KLF12: variants seen among roughly 807,000 people sequenced by gnomAD.
The protein encoded by KLF12 is Krueppel-like factor 12.
A neutral mutation model predicts 37.8 loss-of-function variants in KLF12; 9 were observed. That is an observed-to-expected ratio of 0.24 (90% confidence interval 0.14 to 0.42). The LOEUF (loss-of-function observed/expected upper bound fraction) is 0.42, where lower values mean the gene tolerates loss of function less well. Among genes scored for constraint, KLF12 ranks in the 10% least tolerant of loss-of-function variants. KLF12 has a pLI of 1.00. For synonymous variants in KLF12, 208 were observed against 202.1 expected, an observed-to-expected ratio of 1.03 and a Z score of -0.25; for missense variants, 411 against 516.0, an observed-to-expected ratio of 0.80 and a Z score of 1.97.
chr13:73,810,462 ATTTG>A (rs914954129), intron 5 of KLF12, among the ~76,000 whole-genome samples: 3 of 151,824 alleles, frequency 2.0e-5, no homozygotes, highest in African/African-American at 4.8e-5. Flanking sequence ...TATTTTATTT[ATTTG>A]TTTATTTAGG....
chr13:74,301,537 G>C, the KLF12 span, among the ~76,000 whole-genome samples: 2 of 152,170 alleles, frequency 1.3e-5, no homozygotes, highest in Non-Finnish European at 2.9e-5. Context: ...TTAGAGGCAA[G>C]TGATGAAAGG....
chr13:73,877,599 C>T (rs1345594222), intron 3 of KLF12, among the ~76,000 whole-genome samples: 1 of 152,184 alleles, frequency 6.6e-6, no homozygotes, highest in Non-Finnish European at 1.5e-5. Context: ...TTGATATTGA[C>T]AGGTTGGCTG....
the KLF12 span, among the ~76,000 whole-genome samples, chr13:74,152,251 TAA>T: frequency 2.0e-5 from 3 of 152,270 alleles, no homozygotes; most frequent in Admixed American, 6.5e-5. Flanking sequence ...AATATTATAC[TAA>T]GTTTCTCATT....
At chr13:74,286,460 C>T in the KLF12 span, among the ~76,000 whole-genome samples, 1 of 152,086 alleles carries the variant, frequency 6.6e-6, no homozygotes, top group Non-Finnish European at 1.5e-5. Flanking sequence ...AAAGCGTATT[C>T]AGGATAGACA....
chr13:74,045,305 T>A (rs1203050373), intron 1 of KLF12, among the ~76,000 whole-genome samples: 1 of 152,182 alleles, frequency 6.6e-6, no homozygotes, highest in Non-Finnish European at 1.5e-5. Flanking sequence ...GCACTTTACC[T>A]ATGTGGTCCT....
chr13:74,273,319 T>C, the KLF12 span, among the ~76,000 whole-genome samples: 1 of 152,290 alleles, frequency 6.6e-6, no homozygotes, highest in South Asian at 2.1e-4. Context: ...CTAATTTCCA[T>C]ATAAGCAATT....
intron 6 of KLF12, among the ~76,000 whole-genome samples, chr13:73,735,569 G>A (rs1016246217): frequency 3.3e-5 from 5 of 152,040 alleles, no homozygotes; most frequent in African/African-American, 4.8e-5. Context: ...CTCCAGCTGT[G>A]GGAACCACCT....
chr13:74,222,247 G>A, the KLF12 span, among the ~76,000 whole-genome samples: 12 of 152,222 alleles, frequency 7.9e-5, no homozygotes, highest in Non-Finnish European at 1.3e-4. Context: ...CTTCAACCAA[G>A]TTCTGGATGG....
chr13:74,039,909 T>A (rs1044389325), intron 1 of KLF12, among the ~76,000 whole-genome samples: 18 of 152,360 alleles, frequency 1.2e-4, no homozygotes, highest in African/African-American at 4.3e-4. Flanking sequence ...AAATTCAGTA[T>A]AAAATAGTGA....
chr13:74,003,410 C>T (rs17061909), intron 1 of KLF12, among the ~76,000 whole-genome samples: 11,433 of 152,164 alleles, frequency 0.075, 658 homozygotes, highest in African/African-American at 0.16. Flanking sequence ...TTAGTCAGCC[C>T]ATCCAACTGA....
At chr13:73,927,510 A>G (rs183786699) in intron 3 of KLF12, among the ~76,000 whole-genome samples, 7 of 152,302 alleles carry the variant, frequency 4.6e-5, no homozygotes, top group Admixed American at 3.3e-4. Flanking sequence ...AACAAGAGTC[A>G]GCTCTGTTTC....
chr13:74,184,385 AC>A, the KLF12 span, among the ~76,000 whole-genome samples: 11 of 152,184 alleles, frequency 7.2e-5, no homozygotes, highest in Non-Finnish European at 1.5e-4. Context: ...AATGTGTGTC[AC>A]CAACTCAATA....
intron 2 of KLF12, among the ~76,000 whole-genome samples, chr13:73,978,409 T>C (rs1476205707): frequency 6.6e-6 from 1 of 152,136 alleles, no homozygotes; most frequent in African/African-American, 2.4e-5. Flanking sequence ...GCAACAACGA[T>C]ACAACACCAC....
intron 2 of KLF12, among the ~76,000 whole-genome samples, chr13:73,983,492 C>T (rs532975953): frequency 6.6e-6 from 1 of 152,276 alleles, no homozygotes; most frequent in African/African-American, 2.4e-5. Context: ...TTACTGCCTG[C>T]CAATCTTGCC....
the KLF12 span, among the ~76,000 whole-genome samples, chr13:74,303,610 G>T: frequency 2.0e-5 from 3 of 152,116 alleles, no homozygotes; most frequent in Non-Finnish European, 1.5e-5. Context: ...AAAAGAGATT[G>T]TCCTTAAAAC....
At chr13:73,952,474 T>C (rs1351727572) in intron 2 of KLF12, among the ~76,000 whole-genome samples, 1 of 152,196 alleles carries the variant, frequency 6.6e-6, no homozygotes, top group African/African-American at 2.4e-5. Flanking sequence ...CATTAGAAAC[T>C]GCCCCCATGA....
intron 2 of KLF12, among the ~76,000 whole-genome samples, chr13:73,946,368 G>A (rs977545238): frequency 1.3e-5 from 2 of 152,122 alleles, no homozygotes; most frequent in African/African-American, 4.8e-5. Context: ...TTTCCCCACT[G>A]GCTGTGATAA....
At chr13:74,207,273 T>C in the KLF12 span, among the ~76,000 whole-genome samples, 1 of 152,166 alleles carries the variant, frequency 6.6e-6, no homozygotes, top group African/African-American at 2.4e-5. Flanking sequence ...AGTGGTAAGT[T>C]TTCAATACAT....
chr13:73,973,785 GCACT>G (rs1368590737), intron 2 of KLF12, among the ~76,000 whole-genome samples: 1 of 152,062 alleles, frequency 6.6e-6, no homozygotes, highest in Admixed American at 6.6e-5. Flanking sequence ...GGAGGAAAAA[GCACT>G]CACTCCTAAC....
Sources: gnomAD v4.1 joint callset for allele counts (sites outside exome capture counted in the v4.1 genomes callset) on GRCh38, gnomAD v4.1.1 for gene constraint, MANE v1.5 for transcripts, NCBI Gene and HGNC (gene_info 2026-07-23, HGNC 2026-07-21) for gene names.